ARHGAP32: variants seen among roughly 807,000 people sequenced by gnomAD.
ARHGAP32 encodes the protein rho GTPase-activating protein 32.
In ARHGAP32, 51 loss-of-function variants were observed where a neutral mutation model predicts 186.5. That is an observed-to-expected ratio of 0.27 (90% CI 0.22 to 0.35). The LOEUF (loss-of-function observed/expected upper bound fraction) is 0.35, where lower values mean the gene tolerates loss of function less well. Ranked by LOEUF, ARHGAP32 falls within the 10% of genes least tolerant of loss-of-function variation. The pLI is 1.00. For missense variants in ARHGAP32, 2,186 were observed against 2,623.5 expected, an observed-to-expected ratio of 0.83 and a Z score of 3.64; for synonymous variants, 950 against 964.3, an observed-to-expected ratio of 0.99 and a Z score of 0.27.
upstream of ARHGAP32, among the ~76,000 whole-genome samples, chr11:129,195,434 T>C (rs1359561790): frequency 1.3e-5 from 2 of 152,208 alleles, no homozygotes; most frequent in African/African-American, 4.8e-5. Flanking sequence ...GACAGTTAAA[T>C]GTGCACATCT....
chr11:129,132,619 T>C (rs1235672370), intron 2 of ARHGAP32, among the ~76,000 whole-genome samples: 2 of 151,968 alleles, frequency 1.3e-5, no homozygotes, highest in Non-Finnish European at 2.9e-5. Context: ...AAATCAACAC[T>C]CTCCAGAGGA....
chr11:129,092,517 G>C (rs188379762), intron 6 of ARHGAP32, among the ~76,000 whole-genome samples: 16 of 152,002 alleles, frequency 1.1e-4, no homozygotes, highest in Admixed American at 2.0e-4. Flanking sequence ...ATGAAACTTA[G>C]TAATTAAGAG....
intron 11 of ARHGAP32, among the ~76,000 whole-genome samples, chr11:129,030,010 T>C (rs1939044732): frequency 6.6e-6 from 1 of 152,190 alleles, no homozygotes; most frequent in South Asian, 2.1e-4. Context: ...GAAAATATTA[T>C]CTTGATCTAT....
intron 12 of ARHGAP32, among the ~76,000 whole-genome samples, chr11:128,996,935 A>G (rs1480501109): frequency 6.6e-6 from 1 of 151,976 alleles, no homozygotes; most frequent in Non-Finnish European, 1.5e-5. Flanking sequence ...GCGTACTACT[A>G]TGCTGGCTAA....
intron 12 of ARHGAP32, among the ~76,000 whole-genome samples, chr11:128,992,595 G>A (rs2134696277): frequency 6.6e-6 from 1 of 151,936 alleles, no homozygotes; most frequent in South Asian, 2.1e-4. Context: ...TGGCCAATAT[G>A]GTGAAACCCT....
chr11:129,039,622 G>A (rs1475442991), intron 11 of ARHGAP32, among the ~76,000 whole-genome samples: 1 of 152,232 alleles, frequency 6.6e-6, no homozygotes, highest in Non-Finnish European at 1.5e-5. Flanking sequence ...TTCATGAAGT[G>A]ATGAAGGTGT....
At chr11:129,171,405 C>A (rs538524381) in intron 1 of ARHGAP32, among the ~76,000 whole-genome samples, 1 of 152,256 alleles carries the variant, frequency 6.6e-6, no homozygotes, top group South Asian at 2.1e-4. Flanking sequence ...CCAGTTTTCC[C>A]AGCACCATTT....
intron 11 of ARHGAP32, among the ~76,000 whole-genome samples, chr11:129,000,737 C>T (rs892833382): frequency 2.0e-5 from 3 of 151,778 alleles, no homozygotes; most frequent in African/African-American, 7.3e-5. Context: ...TTTTTTGTAC[C>T]CATTAACCAT....
rs554678689 is a variant in ARHGAP32 at position 129,067,009 on chromosome 11, G to C, written c.532-141C>G. ...GTTTCTATTAACTTGATAGTTAATA[G>C]CTAAAACTGTGAAACACTCTAATAA... is the stretch of plus-strand genomic sequence containing the variant. On this transcript the variant is annotated intron_variant, in intron 6 of 22. Coordinates refer to ENST00000682385, the MANE Select transcript of ARHGAP32 (RefSeq NM_001378024.1). 4.0e-4 allele frequency: 277 copies of C among 695,996 alleles called. 1 individual carries two copies. The highest frequency in any genetic ancestry group is 5.7e-4 in the Non-Finnish European group (245 of 430,232). The allele number at this position is 695,996 out of a possible 1,614,324, so 43.1% of individuals were successfully genotyped here.
chr11:128,999,309 GA>G (rs1565367081), intron 11 of ARHGAP32, among the ~76,000 whole-genome samples: 1 of 152,260 alleles, frequency 6.6e-6, no homozygotes, highest in African/African-American at 2.4e-5. Context: ...CTAGGATTAG[GA>G]AATTCCTGCC....
Position 128,967,516 on chromosome 11 carries a change from G to A in ARHGAP32, c.*1391C>T, listed in dbSNP as rs1945247605. 1 of 152,190 alleles carries A rather than the reference G, an allele frequency of 6.6e-6. No homozygotes were observed. Among genetic ancestry groups the A allele is most frequent in the South Asian group, 2.1e-4 (1 of 4,822 alleles). 9.4% of individuals were successfully genotyped at this position (152,190 alleles called of 1,614,324 possible). ...GTCTGATGTATTTTGGGGGGTGGAG[G>A]GAGCTGAGAACATAGAATGGAGTTG... On this transcript the variant is annotated 3_prime_UTR_variant, in exon 23 of 23. Transcript: ENST00000682385.
intron 2 of ARHGAP32, among the ~76,000 whole-genome samples, chr11:129,146,082 C>T (rs1197776787): frequency 1.3e-5 from 2 of 152,058 alleles, no homozygotes; most frequent in Non-Finnish European, 2.9e-5. Context: ...ATCACTAGGT[C>T]CTCTGAATTA....
upstream of ARHGAP32, among the ~76,000 whole-genome samples, chr11:129,194,358 G>C (rs1272224537): frequency 2.0e-5 from 3 of 152,124 alleles, no homozygotes; most frequent in Admixed American, 1.3e-4. Context: ...CTGAGGAATA[G>C]AAAACTAGGC....
rs76676634 is a variant in ARHGAP32, at chr11:129,261,762, C to T, written c.-5+17384G>A. Among the ~76,000 whole-genome samples, 333 of 152,266 alleles carry T rather than the reference C, an allele frequency of 2.2e-3. 2 individuals are homozygous for T. Among genetic ancestry groups the T allele is most frequent in the Admixed American group, 3.5e-3 (53 of 15,298 alleles). ...TGAAAAGGCAATTTGTTCTGTTAAT[C>T]AAAGGTAATTTTGACTTAAACATCT... On this transcript the variant is annotated intron_variant, in intron 1 of 6. Coordinates refer to the ARHGAP32 transcript ENST00000525234.
chr11:129,276,968 A>T (rs547601501), intron 1 of ARHGAP32, among the ~76,000 whole-genome samples: 1 of 152,236 alleles, frequency 6.6e-6, no homozygotes, highest in Non-Finnish European at 1.5e-5. Context: ...GGACTTCACA[A>T]TCATGGGTTA....
At chr11:129,129,571 C>T (rs954000205) in intron 2 of ARHGAP32, among the ~76,000 whole-genome samples, 6 of 152,198 alleles carry the variant, frequency 3.9e-5, no homozygotes, top group Non-Finnish European at 7.3e-5. Context: ...ATGATGACGA[C>T]GGCGGTTTTG....
chr11:129,146,784 T>C (rs1943175205), intron 2 of ARHGAP32, among the ~76,000 whole-genome samples: 4 of 152,058 alleles, frequency 2.6e-5, no homozygotes. Flanking sequence ...TTTAGATATG[T>C]TTATTAAAAA....
intron 1 of ARHGAP32, among the ~76,000 whole-genome samples, chr11:129,242,998 C>A (rs1945039941): frequency 6.6e-6 from 1 of 152,126 alleles, no homozygotes; most frequent in African/African-American, 2.4e-5. Context: ...TCTACGCATG[C>A]AACTTAAGTA....
chr11:129,073,057 C>T (rs748866496), intron 6 of ARHGAP32, among the ~76,000 whole-genome samples: 3 of 152,162 alleles, frequency 2.0e-5, no homozygotes, highest in Non-Finnish European at 4.4e-5. Context: ...GTGAAGTTCA[C>T]AGTTCAGAGG....
Sources: gnomAD v4.1 joint callset for allele counts (sites outside exome capture counted in the v4.1 genomes callset) on GRCh38, gnomAD v4.1.1 for gene constraint, MANE v1.5 for transcripts, NCBI Gene and HGNC (gene_info 2026-07-23, HGNC 2026-07-21) for gene names.